ZFP64: variants seen among roughly 807,000 people sequenced by gnomAD.
ZFP64 encodes ZFP64 zinc finger protein.
In ZFP64, 14 loss-of-function variants were observed where a neutral mutation model predicts 51.6. That is an observed-to-expected ratio of 0.27 (90% confidence interval 0.18 to 0.42). The LOEUF is 0.42. ZFP64 is among the 10% of genes least tolerant of loss of function. The probability of loss-of-function intolerance (pLI) is 1.00; values close to 1 mark genes in which losing one functional copy is unlikely to be tolerated. For synonymous variants in ZFP64, 375 were observed against 361.4 expected, an observed-to-expected ratio of 1.04 and a Z score of -0.43; for missense variants, 754 against 906.8, an observed-to-expected ratio of 0.83 and a Z score of 2.16.
At position 52,178,921 on chromosome 20, in the gene ZFP64, A is replaced by T. The variant is rs377652964; in HGVS notation, c.286+7911T>A. 1.1e-4 allele frequency among the ~76,000 whole-genome samples: 16 copies of T among 152,226 alleles called. No homozygotes were observed. In the East Asian group the frequency reaches 2.3e-3, roughly 22 times the overall value. ...TCCTCCCCTCCCCGAGGGGCTTGGA[A>T]TTCTCCAAGGGCAAGCATCTCCATT... On this transcript the variant is annotated intron_variant, in intron 2 of 5. Transcript: ENST00000216923.
intron 2 of ZFP64, among the ~76,000 whole-genome samples, chr20:52,180,351 C>G (rs1456294982): frequency 6.6e-6 from 1 of 152,128 alleles, no homozygotes; most frequent in Admixed American, 6.5e-5. Flanking sequence ...ATTCACTTCT[C>G]TAGTTCACTG....
At chr20:52,150,022 G>A (rs902727357), downstream of ZFP64, among the ~76,000 whole-genome samples, 4 of 151,898 alleles carry the variant, frequency 2.6e-5, no homozygotes, top group Non-Finnish European at 4.4e-5. Flanking sequence ...TCCTGGCTAC[G>A]GTGAAACCCT....
At chr20:52,175,864 G>GGGGCC in intron 2 of ZFP64, 5 of 256,922 alleles carry the variant, frequency 1.9e-5, no homozygotes, top group Non-Finnish European at 2.6e-5. Flanking sequence ...CCCCGCTGCC[G>GGGGCC]CCCCCGCCCC....
At chr20:52,136,848 C>T (rs967262298) in intron 5 of ZFP64, among the ~76,000 whole-genome samples, 1 of 152,096 alleles carries the variant, frequency 6.6e-6, no homozygotes, top group Non-Finnish European at 1.5e-5. Flanking sequence ...CTCACTGCAA[C>T]CTCTGCCTCC....
chr20:52,188,826 A>T (rs963324417), intron 1 of ZFP64, among the ~76,000 whole-genome samples: 4 of 151,926 alleles, frequency 2.6e-5, no homozygotes, highest in Non-Finnish European at 2.9e-5. Context: ...AACAAAAAAA[A>T]TTAGCCCGGC....
chr20:52,114,224 C>T (rs1368208853), intron 5 of ZFP64, among the ~76,000 whole-genome samples: 4 of 152,180 alleles, frequency 2.6e-5, no homozygotes, highest in Non-Finnish European at 4.4e-5. Context: ...TCACCTGTCC[C>T]GATAGAAAAG....
chr20:52,187,895 C>T (rs1333340549), intron 1 of ZFP64, among the ~76,000 whole-genome samples: 1 of 152,208 alleles, frequency 6.6e-6, no homozygotes, highest in African/African-American at 2.4e-5. Context: ...ATTGTGAAAA[C>T]TGATCCTCCC....
chr20:52,139,637 C>T (rs1182570015), intron 5 of ZFP64, among the ~76,000 whole-genome samples: 1 of 151,898 alleles, frequency 6.6e-6, no homozygotes, highest in Non-Finnish European at 1.5e-5. Flanking sequence ...CACATGTACC[C>T]CCTAAACCTA....
At chr20:52,142,498 C>T (rs1980321973) in intron 5 of ZFP64, among the ~76,000 whole-genome samples, 1 of 151,412 alleles carries the variant, frequency 6.6e-6, no homozygotes, top group African/African-American at 2.4e-5. Context: ...TGCAATATAT[C>T]CATGTAACAA....
At chr20:52,116,696 T>C (rs1978891929) in intron 5 of ZFP64, among the ~76,000 whole-genome samples, 1 of 152,180 alleles carries the variant, frequency 6.6e-6, no homozygotes, top group African/African-American at 2.4e-5. Flanking sequence ...CATACACATA[T>C]ATACACATAT....
chr20:52,175,699 C>T (rs960583102), intron 2 of ZFP64, among the ~76,000 whole-genome samples: 1 of 152,040 alleles, frequency 6.6e-6, no homozygotes, highest in Non-Finnish European at 1.5e-5. Flanking sequence ...CAAAAATTAG[C>T]CGGACGTGGT....
intron 2 of ZFP64, chr20:52,175,864 G>GGC: frequency 1.4e-4 from 36 of 256,886 alleles, no homozygotes; most frequent in Non-Finnish European, 1.8e-4. Context: ...CCCCGCTGCC[G>GGC]CCCCCGCCCC....
intron 2 of ZFP64, among the ~76,000 whole-genome samples, chr20:52,167,111 G>A (rs886567074): frequency 2.0e-4 from 31 of 151,964 alleles, no homozygotes; most frequent in African/African-American, 6.3e-4. Flanking sequence ...GATCACCTGC[G>A]GTCAGGAGTT....
At chr20:52,113,151 G>A (rs1340916589) in intron 5 of ZFP64, among the ~76,000 whole-genome samples, 1 of 151,842 alleles carries the variant, frequency 6.6e-6, no homozygotes, top group African/African-American at 2.4e-5. Flanking sequence ...CGGTTAACAC[G>A]GTGAAACCCC....
At chr20:52,190,989 A>G (rs757974451) in intron 1 of ZFP64, among the ~76,000 whole-genome samples, 3 of 152,128 alleles carry the variant, frequency 2.0e-5, no homozygotes, top group Non-Finnish European at 4.4e-5. Flanking sequence ...TTTGGGAAAC[A>G]ATGCACCGGG....
chr20:52,125,919 T>C (rs932111360), intron 5 of ZFP64, among the ~76,000 whole-genome samples: 2 of 152,048 alleles, frequency 1.3e-5, no homozygotes, highest in African/African-American at 4.8e-5. Flanking sequence ...TCTCACTGTG[T>C]CACCCAGGCT....
chr20:52,126,886 G>C (rs972291347), intron 5 of ZFP64, among the ~76,000 whole-genome samples: 3 of 151,478 alleles, frequency 2.0e-5, no homozygotes, highest in African/African-American at 7.3e-5. Flanking sequence ...ACTCTTATGG[G>C]TAGGTTTTCC....
intron 5 of ZFP64, among the ~76,000 whole-genome samples, chr20:52,115,837 T>C (rs149895501): frequency 2.0e-5 from 3 of 152,246 alleles, no homozygotes; most frequent in African/African-American, 7.2e-5. Flanking sequence ...GTAATATTTC[T>C]TTCTTTCTCT....
At position 52,120,553 on chromosome 20, in the gene ZFP64, G is replaced by A. The variant is rs141269938; in HGVS notation, c.764-21966C>T. Among the ~76,000 whole-genome samples, 145 of 150,542 alleles carry A rather than the reference G, an allele frequency of 9.6e-4. 3 individuals are homozygous for A. The East Asian group carries it at 0.027, about 28-fold the overall frequency. ...CAACCCTGCATCCAGCAAGTGTATCGGCTTCATTTTTCCAATGGCATGTGC... is the reference window on the plus strand; with the variant it reads ...CAACCCTGCATCCAGCAAGTGTATCAGCTTCATTTTTCCAATGGCATGTGC... On this transcript the variant is annotated intron_variant, in intron 5 of 8. Coordinates refer to the ZFP64 transcript ENST00000361387.
Sources: allele counts gnomAD v4.1 joint callset (sites outside exome capture counted in the v4.1 genomes callset), GRCh38; gene constraint gnomAD v4.1.1; transcripts MANE v1.5; gene names NCBI Gene and HGNC (gene_info 2026-07-23, HGNC 2026-07-21).